Variants in GNG2 observed in about 807,000 individuals in gnomAD.
The protein encoded by GNG2 is guanine nucleotide-binding protein G(I)/G(S)/G(O) subunit gamma-2.
A neutral mutation model predicts 5.5 loss-of-function variants in GNG2; 5 were observed. The observed-to-expected ratio is 0.91, with a 90% CI of 0.48 to 1.92. GNG2 has a LOEUF of 1.92. Among genes scored for constraint, GNG2 ranks in the 30% most tolerant of loss-of-function variants. GNG2 has a pLI of 0.01. For synonymous variants in GNG2, 28 were observed against 32.0 expected (o/e 0.88, Z 0.42); for missense variants, 55 against 88.4 (o/e 0.62, Z 1.52).
chr14:51,917,207 T>C lies in GNG2; in HGVS notation c.-29-33443T>C, dbSNP rs75099305. 1,110 of 369,568 alleles carry C rather than the reference T, an allele frequency of 3.0e-3. 9 individuals are homozygous for C. Among genetic ancestry groups the C allele is most frequent in the African/African-American group, 0.022 (1,035 of 47,168 alleles). 22.9% of individuals were successfully genotyped at this position (369,568 alleles called of 1,614,324 possible). ...TATCTCATTTCTGAAATTTCTTCCA[T>C]CATAGTGAAAAGTCCCCAAATGTTC... is the stretch of plus-strand genomic sequence containing the variant. On this transcript the variant is annotated intron_variant, in intron 2 of 3. Transcript: ENST00000556766.
upstream of GNG2, among the ~76,000 whole-genome samples, chr14:51,856,913 G>T (rs893379433): frequency 3.9e-5 from 6 of 152,136 alleles, no homozygotes; most frequent in South Asian, 1.2e-3. Flanking sequence ...TATATATATA[G>T]AGAGGGAGGG....
At chr14:51,932,246 CAAAAAAAAAAAAA>C (rs781725794) in intron 2 of GNG2, among the ~76,000 whole-genome samples, 1 of 23,198 alleles carries the variant, frequency 4.3e-5, no homozygotes, top group Non-Finnish European at 8.2e-5. Context: ...GACTCTGTCT[CAAAAAAAAAAAAA>C]AAAAAAAAAA....
intron 2 of GNG2, among the ~76,000 whole-genome samples, chr14:51,848,688 A>G (rs1881756856): frequency 6.6e-6 from 1 of 152,232 alleles, no homozygotes; most frequent in Non-Finnish European, 1.5e-5. Flanking sequence ...GAGTATTTAC[A>G]GAGGTATGTG....
At chr14:51,912,584 T>C (rs924152076) in intron 2 of GNG2, among the ~76,000 whole-genome samples, 3 of 152,230 alleles carry the variant, frequency 2.0e-5, no homozygotes, top group African/African-American at 7.2e-5. Flanking sequence ...TCATTACTGC[T>C]GGGCTTCTTC....
At chr14:51,906,529 C>T (rs1033688750) in intron 2 of GNG2, among the ~76,000 whole-genome samples, 1 of 152,036 alleles carries the variant, frequency 6.6e-6, no homozygotes, top group African/African-American at 2.4e-5. Flanking sequence ...CAATAATTCC[C>T]AACACTTTGA....
rs1191198598 is a variant in GNG2, at chr14:51,868,839, A to G, written c.-71+8049A>G. Among the ~76,000 whole-genome samples the G allele has an allele frequency of 3.9e-5, 6 of 152,132 alleles. No homozygotes were observed. In the East Asian group the frequency reaches 7.7e-4, roughly 20 times the overall value. On this transcript the variant is annotated intron_variant, in intron 1 of 3. Coordinates refer to ENST00000556766, the MANE Select transcript of GNG2 (RefSeq NM_053064.5). ...GATTACTTGATCTGGGTTGGATTTT[A>G]TTTAGTTCAAATTGATTTACACAGT...
intron 2 of GNG2, among the ~76,000 whole-genome samples, chr14:51,923,175 G>A (rs924974037): frequency 1.3e-5 from 2 of 152,264 alleles, no homozygotes; most frequent in East Asian, 3.9e-4. Context: ...GTGGACTGGC[G>A]AATTGCTGCC....
At chr14:51,940,100 C>T (rs1888228986) in intron 2 of GNG2, 1 of 152,272 alleles carries the variant, frequency 6.6e-6, no homozygotes, top group Non-Finnish European at 1.5e-5. Flanking sequence ...GTGTGAGTTC[C>T]TGGTCCTCCA....
rs1204424222 is a variant in GNG2 at position 51,908,569 on chromosome 14, T to TAG, written c.-30+30913_-30+30914insGA. Among the ~76,000 whole-genome samples the TAG allele has an allele frequency of 7.9e-5, 12 of 151,392 alleles. No homozygotes were observed. In the South Asian group the frequency reaches 8.4e-4, roughly 11 times the overall value. On this transcript the variant is annotated intron_variant, in intron 2 of 3. Transcript: ENST00000556766. The stretch of plus-strand genomic sequence containing the variant: ...ATCTATCTATCTATCTATCCATATA[T>TAG]ATAGAGAGAGAGAGAGAGAAGAGAG...
chr14:51,939,537 A>C (rs913904631), intron 2 of GNG2, among the ~76,000 whole-genome samples: 9 of 152,206 alleles, frequency 5.9e-5, no homozygotes, highest in Admixed American at 5.2e-4. Context: ...CTCCACCCAC[A>C]CAGCATAGAC....
At chr14:51,944,879 C>T (rs963882155) in intron 2 of GNG2, among the ~76,000 whole-genome samples, 22 of 152,112 alleles carry the variant, frequency 1.4e-4, no homozygotes, top group African/African-American at 5.3e-4. Flanking sequence ...TATTTGTAAA[C>T]CACTTATATG....
At chr14:51,892,384 G>A (rs1011213927) in intron 2 of GNG2, among the ~76,000 whole-genome samples, 2 of 151,664 alleles carry the variant, frequency 1.3e-5, no homozygotes, top group Non-Finnish European at 1.5e-5. Flanking sequence ...CGATCTTGGC[G>A]CACTACAACC....
chr14:51,963,910 G>A (rs1231311220), intron 3 of GNG2, among the ~76,000 whole-genome samples: 3 of 152,194 alleles, frequency 2.0e-5, no homozygotes, highest in African/African-American at 4.8e-5. Flanking sequence ...ATTAAAAAGT[G>A]AGACTGATTT....
At chr14:51,924,733 T>C (rs2140232257) in intron 2 of GNG2, among the ~76,000 whole-genome samples, 1 of 152,350 alleles carries the variant, frequency 6.6e-6, no homozygotes, top group Non-Finnish European at 1.5e-5. Context: ...CTGAGCATGG[T>C]ATTTTCCAAA....
intron 1 of GNG2, among the ~76,000 whole-genome samples, chr14:51,863,935 G>C (rs1594849581): frequency 6.6e-6 from 1 of 152,102 alleles, no homozygotes; most frequent in African/African-American, 2.4e-5. Flanking sequence ...TGGACACTCG[G>C]GCCATGTTTT....
chr14:51,920,277 C>T (rs987824386), intron 2 of GNG2, among the ~76,000 whole-genome samples: 2 of 151,976 alleles, frequency 1.3e-5, no homozygotes, highest in African/African-American at 4.8e-5. Flanking sequence ...CAAGGGACAA[C>T]GGTATTTGCA....
intron 3 of GNG2, among the ~76,000 whole-genome samples, chr14:51,964,174 T>C (rs1198394828): frequency 6.6e-6 from 1 of 152,154 alleles, no homozygotes; most frequent in African/African-American, 2.4e-5. Flanking sequence ...TGGAGTGATA[T>C]GTCTATAAGC....
At chr14:51,875,037 C>T (rs2140129101) in intron 1 of GNG2, among the ~76,000 whole-genome samples, 1 of 152,194 alleles carries the variant, frequency 6.6e-6, no homozygotes, top group South Asian at 2.1e-4. Flanking sequence ...AAAATGGCTC[C>T]ATCTGTTAAT....
chr14:51,885,574 C>A (rs559346914), intron 2 of GNG2, among the ~76,000 whole-genome samples: 1 of 150,808 alleles, frequency 6.6e-6, no homozygotes, highest in African/African-American at 2.4e-5. Flanking sequence ...GTTTTCTATC[C>A]CCTGCCGTAT....
Sources: allele counts gnomAD v4.1 joint callset (sites outside exome capture counted in the v4.1 genomes callset), GRCh38; gene constraint gnomAD v4.1.1; transcripts MANE v1.5; gene names NCBI Gene and HGNC (gene_info 2026-07-23, HGNC 2026-07-21).